The following FTO variants were observed in gnomAD, a reference collection of about 807,000 sequenced individuals.
The protein encoded by FTO is FTO alpha-ketoglutarate dependent dioxygenase.
In FTO, 47 loss-of-function variants were observed where a neutral mutation model predicts 63.9. The ratio of observed to expected loss-of-function variants is 0.74; its 90% CI spans 0.58 to 0.94. The LOEUF (loss-of-function observed/expected upper bound fraction) is 0.94, where lower values mean the gene tolerates loss of function less well. Ranked by LOEUF, FTO falls within the 40% of genes least tolerant of loss-of-function variation. The pLI is 0.00. For missense variants in FTO, 562 were observed against 618.1 expected, an observed-to-expected ratio of 0.91 and a Z score of 0.96; for synonymous variants, 207 against 224.4, an observed-to-expected ratio of 0.92 and a Z score of 0.69.
At chr16:53,991,360 G>GAC (rs1286429512) in intron 8 of FTO, 1 of 152,210 alleles carries the variant, frequency 6.6e-6, no homozygotes, top group Admixed American at 6.5e-5. Flanking sequence ...TTTGTGCTGT[G>GAC]ACAGCTCTTT....
chr16:54,103,011 C>A (rs2086671198), intron 8 of FTO, among the ~76,000 whole-genome samples: 1 of 151,942 alleles, frequency 6.6e-6, no homozygotes, highest in Admixed American at 6.6e-5. Context: ...ACAAAAATAG[C>A]CAGATGTGGT....
At chr16:54,048,126 T>TAAAAAAAAAAAAAAAAAAAAAAAAA in intron 8 of FTO, among the ~76,000 whole-genome samples, 1 of 56,464 alleles carries the variant, frequency 1.8e-5, no homozygotes, top group Non-Finnish European at 3.0e-5. Flanking sequence ...AAAAAAAAAT[T>TAAAAAAAAAAAAAAAAAAAAAAAAA]AAAAAAAAAA....
intron 1 of FTO, among the ~76,000 whole-genome samples, chr16:53,727,052 CTTCTT>C (rs919789877): frequency 2.6e-5 from 4 of 152,164 alleles, no homozygotes; most frequent in Admixed American, 2.0e-4. Flanking sequence ...AGTTTCCCCT[CTTCTT>C]TTCTTTCTTT....
chr16:53,783,604 T>TAAA (rs753810468), intron 1 of FTO, among the ~76,000 whole-genome samples: 19 of 68,118 alleles, frequency 2.8e-4, no homozygotes, highest in East Asian at 2.5e-3. Flanking sequence ...CAAGACTCCA[T>TAAA]AAAAAAAAAA....
At chr16:53,907,606 A>T (rs2081571752) in intron 7 of FTO, among the ~76,000 whole-genome samples, 1 of 152,208 alleles carries the variant, frequency 6.6e-6, no homozygotes. Flanking sequence ...GTCATAAGTC[A>T]GGGACTGTCT....
At chr16:54,049,423 A>G (rs1478714992) in intron 8 of FTO, among the ~76,000 whole-genome samples, 1 of 152,194 alleles carries the variant, frequency 6.6e-6, no homozygotes, top group Non-Finnish European at 1.5e-5. Context: ...GGTCACCCAG[A>G]GAGGAAAAAA....
intron 3 of FTO, among the ~76,000 whole-genome samples, chr16:53,831,070 C>A (rs1047221107): frequency 2.6e-5 from 4 of 152,054 alleles, no homozygotes; most frequent in African/African-American, 9.7e-5. Flanking sequence ...AAATTGCATC[C>A]CCTTAAGGAT....
At chr16:53,868,634 T>C (rs2080401681) in intron 4 of FTO, among the ~76,000 whole-genome samples, 1 of 152,162 alleles carries the variant, frequency 6.6e-6, no homozygotes, top group Non-Finnish European at 1.5e-5. Flanking sequence ...CTTCTATCAA[T>C]TAAGGGTAAG....
At chr16:53,925,686 G>C (rs941986960) in intron 7 of FTO, among the ~76,000 whole-genome samples, 1 of 152,092 alleles carries the variant, frequency 6.6e-6, no homozygotes, top group African/African-American at 2.4e-5. Flanking sequence ...AGAGTAAATG[G>C]TGTAAGTCTC....
intron 6 of FTO, among the ~76,000 whole-genome samples, chr16:53,884,023 A>G (rs184389763): frequency 1.3e-5 from 2 of 152,150 alleles, no homozygotes; most frequent in Non-Finnish European, 1.5e-5. Flanking sequence ...CTGCAAGGCC[A>G]TGTGTCTTTT....
At chr16:53,744,264 A>G (rs978517129) in intron 1 of FTO, among the ~76,000 whole-genome samples, 1 of 152,196 alleles carries the variant, frequency 6.6e-6, no homozygotes, top group Non-Finnish European at 1.5e-5. Context: ...CACTAAAAAG[A>G]TGGGAAGGCA....
chr16:54,001,364 G>A (rs936663621), intron 8 of FTO, among the ~76,000 whole-genome samples: 2 of 152,150 alleles, frequency 1.3e-5, no homozygotes, highest in Non-Finnish European at 2.9e-5. Context: ...TCAGAGGGTG[G>A]TATCTTCGTC....
chr16:54,063,879 A>G (rs1307080116), intron 8 of FTO: 1 of 152,130 alleles, frequency 6.6e-6, no homozygotes, highest in African/African-American at 2.4e-5. Context: ...GCTATCGTTA[A>G]TAAGATGGGT....
intron 8 of FTO, among the ~76,000 whole-genome samples, chr16:54,073,031 T>G (rs2540768): frequency 0.062 from 9,465 of 152,274 alleles, 365 homozygotes; most frequent in East Asian, 0.14. Flanking sequence ...TAGTTGGGTA[T>G]TCTGGGATAT....
chr16:54,084,606 G>A (rs1023601105), intron 8 of FTO, among the ~76,000 whole-genome samples: 2 of 151,642 alleles, frequency 1.3e-5, no homozygotes, highest in Non-Finnish European at 3.0e-5. Context: ...TAAATTCAGT[G>A]AGTTGAGAGT....
chr16:54,030,490 TGGA>T (rs2084803474), intron 8 of FTO, among the ~76,000 whole-genome samples: 3 of 152,202 alleles, frequency 2.0e-5, no homozygotes, highest in Non-Finnish European at 4.4e-5. Flanking sequence ...GAGGAACATT[TGGA>T]CAATTTGAGT....
intron 1 of FTO, among the ~76,000 whole-genome samples, chr16:53,794,737 A>G (rs1416173480): frequency 6.6e-6 from 1 of 152,208 alleles, no homozygotes; most frequent in African/African-American, 2.4e-5. Flanking sequence ...CCATGTTACA[A>G]TTATGAGGTT....
intron 5 of FTO, among the ~76,000 whole-genome samples, chr16:53,875,756 G>T (rs1377155420): frequency 6.6e-6 from 1 of 152,194 alleles, no homozygotes; most frequent in African/African-American, 2.4e-5. Flanking sequence ...TTCTTGTAGG[G>T]ACTTGTGAAC....
chr16:53,876,651 G>GT (rs1414922424), intron 5 of FTO, among the ~76,000 whole-genome samples: 1 of 152,218 alleles, frequency 6.6e-6, no homozygotes, highest in Non-Finnish European at 1.5e-5. Context: ...CACAGGCTGG[G>GT]TGCAGTGGCT....
Sources: allele counts gnomAD v4.1 joint callset (sites outside exome capture counted in the v4.1 genomes callset), GRCh38; gene constraint gnomAD v4.1.1; transcripts MANE v1.5; gene names NCBI Gene and HGNC (gene_info 2026-07-23, HGNC 2026-07-21).